CACNA2D3: variants seen among roughly 807,000 people sequenced by gnomAD.
The protein encoded by CACNA2D3 is calcium voltage-gated channel auxiliary subunit alpha2delta 3, also known as voltage-dependent calcium channel subunit alpha-2/delta-3.
CACNA2D3 carries 60 observed loss-of-function variants against 160.6 expected under a neutral mutation model. The ratio of observed to expected loss-of-function variants is 0.37; its 90% CI spans 0.30 to 0.46. The LOEUF is 0.46. CACNA2D3 is among the 20% of genes least tolerant of loss of function. CACNA2D3 has a pLI of 1.00. For synonymous variants in CACNA2D3, 558 were observed against 492.9 expected (o/e 1.13, Z -1.75); for missense variants, 1,205 against 1,365.0 (o/e 0.88, Z 1.85).
chr3:54,881,537 A>C (rs1020251867), intron 21 of CACNA2D3, among the ~76,000 whole-genome samples: 2 of 152,198 alleles, frequency 1.3e-5, no homozygotes, highest in African/African-American at 4.8e-5. Context: ...TATCCTTTTC[A>C]TCTGCCAGCT....
In CACNA2D3 at chr3:54,478,403, C is replaced by T. The variant is rs549933071; in HGVS notation, c.382-25089C>T. Among the ~76,000 whole-genome samples the T allele has an allele frequency of 1.5e-3, 223 of 151,664 alleles. 3 individuals are homozygous for T. Among genetic ancestry groups the T allele is most frequent in the Non-Finnish European group, 5.0e-4 (34 of 67,934 alleles). ...ATTCCAGCAGTTTGAGAGGCCAAGG[C>T]GGGAAGATCATGAGGTCAGGAGATT... On this transcript the variant is annotated intron_variant, in intron 4 of 37. Transcript: ENST00000474759.
chr3:54,751,605 A>G (rs1317991692), intron 11 of CACNA2D3, among the ~76,000 whole-genome samples: 3 of 152,210 alleles, frequency 2.0e-5, no homozygotes, highest in African/African-American at 7.2e-5. Context: ...CAGACCAGCT[A>G]CACAAAATGC....
intron 29 of CACNA2D3, among the ~76,000 whole-genome samples, chr3:54,977,233 A>T (rs2107087491): frequency 6.6e-6 from 1 of 152,292 alleles, no homozygotes; most frequent in South Asian, 2.1e-4. Flanking sequence ...TACTTTTCTT[A>T]GTCCTTTGCT....
Position 54,380,685 on chromosome 3 carries a change from C to T in CACNA2D3, c.322-6030C>T, listed in dbSNP as rs138436210. On this transcript the variant is annotated intron_variant, in intron 3 of 37. Coordinates refer to ENST00000474759, the MANE Select transcript of CACNA2D3 (RefSeq NM_018398.3). ...CCCGGGAGGGGAGCTTGCAGTGAGC[C>T]GAGATCACCTGGGCAATAGAGTGAG... Among the ~76,000 whole-genome samples, 1,415 of 152,124 alleles carry T rather than the reference C, an allele frequency of 9.3e-3. 12 individuals carry two copies. The highest frequency in any genetic ancestry group is 0.014 in the Non-Finnish European group (924 of 68,006).
chr3:54,922,320 C>CTTT (rs199955110), intron 27 of CACNA2D3, among the ~76,000 whole-genome samples: 1 of 137,020 alleles, frequency 7.3e-6, no homozygotes, highest in Admixed American at 7.4e-5. Flanking sequence ...GTCCTGGGAA[C>CTTT]TTTTTTTTTT....
At chr3:54,129,629 C>T (rs1174723801) in intron 2 of CACNA2D3, among the ~76,000 whole-genome samples, 2 of 152,150 alleles carry the variant, frequency 1.3e-5, no homozygotes, top group Non-Finnish European at 2.9e-5. Flanking sequence ...TATCTTGGCA[C>T]CTGTTAATGG....
At chr3:54,768,506 A>G (rs1414145118) in intron 13 of CACNA2D3, among the ~76,000 whole-genome samples, 4 of 152,200 alleles carry the variant, frequency 2.6e-5, no homozygotes, top group East Asian at 1.9e-4. Context: ...GGGGGAACCC[A>G]TTGCTACTCA....
chr3:54,525,897 T>C (rs1701716347), intron 5 of CACNA2D3, among the ~76,000 whole-genome samples: 1 of 152,070 alleles, frequency 6.6e-6, no homozygotes, highest in African/African-American at 2.4e-5. Flanking sequence ...AGAAAGTTTA[T>C]ATTCATTCAA....
chr3:54,606,271 T>C (rs781539319), intron 9 of CACNA2D3, among the ~76,000 whole-genome samples: 1 of 152,134 alleles, frequency 6.6e-6, no homozygotes, highest in Non-Finnish European at 1.5e-5. Context: ...GGAGTTATTT[T>C]CAGTACTATA....
At chr3:54,703,049 G>T (rs532866128) in intron 11 of CACNA2D3, among the ~76,000 whole-genome samples, 180 of 152,238 alleles carry the variant, frequency 1.2e-3, no homozygotes, top group African/African-American at 4.1e-3. Context: ...GACACAAAGA[G>T]GGGAACGATA....
chr3:55,003,646 G>T (rs190249228), intron 31 of CACNA2D3, among the ~76,000 whole-genome samples: 1 of 152,244 alleles, frequency 6.6e-6, no homozygotes, highest in African/African-American at 2.4e-5. Context: ...AGGGGGAAAC[G>T]AGTGGGCCTA....
intron 16 of CACNA2D3, among the ~76,000 whole-genome samples, chr3:54,840,400 T>C (rs1305319223): frequency 7.2e-6 from 1 of 138,174 alleles, no homozygotes; most frequent in Non-Finnish European, 1.5e-5. Flanking sequence ...AGGAGAACCA[T>C]GTCTTTTTTT....
At chr3:54,739,897 C>G (rs2107038821) in intron 11 of CACNA2D3, among the ~76,000 whole-genome samples, 1 of 151,880 alleles carries the variant, frequency 6.6e-6, no homozygotes, top group Admixed American at 6.6e-5. Context: ...TTTGCCTTCC[C>G]CATTCTATAA....
At chr3:54,657,888 G>C (rs568361020) in intron 11 of CACNA2D3, among the ~76,000 whole-genome samples, 1 of 152,194 alleles carries the variant, frequency 6.6e-6, no homozygotes, top group Non-Finnish European at 1.5e-5. Flanking sequence ...AATTAGCCTG[G>C]CATGGTGGCA....
intron 4 of CACNA2D3, among the ~76,000 whole-genome samples, chr3:54,453,441 T>C (rs562914311): frequency 6.6e-6 from 1 of 152,264 alleles, no homozygotes; most frequent in East Asian, 1.9e-4. Context: ...TCAACATATC[T>C]TTTGGGGGGA....
chr3:54,998,308 AT>A (rs949891099), intron 31 of CACNA2D3, among the ~76,000 whole-genome samples: 60 of 151,786 alleles, frequency 4.0e-4, no homozygotes, highest in African/African-American at 1.4e-3. Flanking sequence ...GCTAATTTGT[AT>A]TTTTAATAGA....
chr3:54,727,864 A>C (rs139567606), intron 11 of CACNA2D3, among the ~76,000 whole-genome samples: 1 of 152,192 alleles, frequency 6.6e-6, no homozygotes, highest in African/African-American at 2.4e-5. Context: ...CTATGTAACA[A>C]AACTGCATGT....
chr3:54,943,525 A>G (rs1701530553), intron 27 of CACNA2D3, among the ~76,000 whole-genome samples: 1 of 152,276 alleles, frequency 6.6e-6, no homozygotes, highest in African/African-American at 2.4e-5. Flanking sequence ...AGGACAATCT[A>G]TGTACATTCT....
intron 35 of CACNA2D3, among the ~76,000 whole-genome samples, chr3:55,066,527 T>A (rs1213378052): frequency 1.3e-5 from 2 of 151,940 alleles, no homozygotes; most frequent in Non-Finnish European, 2.9e-5. Flanking sequence ...TTGGAGGGAG[T>A]ATGAGGGAGG....
Sources: gnomAD v4.1 joint callset for allele counts (sites outside exome capture counted in the v4.1 genomes callset) on GRCh38, gnomAD v4.1.1 for gene constraint, MANE v1.5 for transcripts, NCBI Gene and HGNC (gene_info 2026-07-23, HGNC 2026-07-21) for gene names.